The following PDE10A variants were observed in gnomAD, a reference collection of about 807,000 sequenced individuals.
PDE10A encodes cAMP and cAMP-inhibited cGMP 3',5'-cyclic phosphodiesterase 10A.
A neutral mutation model predicts 97.7 loss-of-function variants in PDE10A; 39 were observed. The ratio of observed to expected loss-of-function variants is 0.40; its 90% CI spans 0.31 to 0.52. PDE10A has a LOEUF of 0.52. Ranked by LOEUF, PDE10A falls within the 20% of genes least tolerant of loss-of-function variation. The pLI, the probability that PDE10A is intolerant of heterozygous loss-of-function variation, is 0.56. For synonymous variants in PDE10A, 371 were observed against 376.8 expected, an observed-to-expected ratio of 0.98 and a Z score of 0.18; for missense variants, 731 against 1,047.8, an observed-to-expected ratio of 0.70 and a Z score of 4.17.
At chr6:165,457,834 C>T (rs1778051547) in intron 3 of PDE10A, among the ~76,000 whole-genome samples, 1 of 152,158 alleles carries the variant, frequency 6.6e-6, no homozygotes, top group South Asian at 2.1e-4. Context: ...GACAAATGTT[C>T]CCATGACTGC....
intron 3 of PDE10A, among the ~76,000 whole-genome samples, chr6:165,467,580 T>G (rs1203565806): frequency 3.3e-5 from 5 of 152,258 alleles, no homozygotes; most frequent in Non-Finnish European, 7.3e-5. Flanking sequence ...CATCTGTTTT[T>G]GGCATAGTTT....
chr6:165,639,448 G>A (rs1308869582), intron 1 of PDE10A, among the ~76,000 whole-genome samples: 1 of 152,068 alleles, frequency 6.6e-6, no homozygotes, highest in Non-Finnish European at 1.5e-5. Context: ...GATAAAAAAT[G>A]AAGAGAGGGC....
intron 1 of PDE10A, among the ~76,000 whole-genome samples, chr6:165,862,586 T>A (rs1023290683): frequency 2.6e-5 from 4 of 151,544 alleles, no homozygotes; most frequent in African/African-American, 9.7e-5. Context: ...GTAAATAGAA[T>A]CCTGATGAAT....
intron 17 of PDE10A, among the ~76,000 whole-genome samples, chr6:165,381,567 C>T (rs1042008055): frequency 3.3e-5 from 5 of 151,828 alleles, no homozygotes; most frequent in South Asian, 2.1e-4. Flanking sequence ...TGGATTCAAG[C>T]GATTCTCCTG....
At chr6:165,579,186 G>A (rs1278299107) in intron 1 of PDE10A, among the ~76,000 whole-genome samples, 1 of 152,162 alleles carries the variant, frequency 6.6e-6, no homozygotes, top group Non-Finnish European at 1.5e-5. Context: ...CCATGCTAAG[G>A]ACTTCAGAAT....
At chr6:165,836,490 C>T (rs1437192898) in intron 1 of PDE10A, among the ~76,000 whole-genome samples, 1 of 152,214 alleles carries the variant, frequency 6.6e-6, no homozygotes, top group African/African-American at 2.4e-5. Context: ...TTCCAAACAA[C>T]ATGCTCTTTC....
intron 1 of PDE10A, among the ~76,000 whole-genome samples, chr6:165,874,430 CA>C (rs1310725936): frequency 6.6e-6 from 1 of 152,072 alleles, no homozygotes; most frequent in African/African-American, 2.4e-5. Flanking sequence ...ATCTAAGGTT[CA>C]GTTTGTGAGA....
At chr6:165,845,071 A>G (rs1422678501) in intron 1 of PDE10A, among the ~76,000 whole-genome samples, 1 of 152,240 alleles carries the variant, frequency 6.6e-6, no homozygotes, top group East Asian at 1.9e-4. Flanking sequence ...GAACATAAAA[A>G]CTTCTGCTGA....
At position 165,671,166 on chromosome 6, in the gene PDE10A, A is replaced by G. The variant is rs184347016; in HGVS notation, c.-614-127598T>C. Among the ~76,000 whole-genome samples, 7 of 152,128 alleles carry G rather than the reference A, an allele frequency of 4.6e-5. No individual in the cohort carries two copies. The highest frequency in any genetic ancestry group is 7.4e-5 in the Non-Finnish European group (5 of 67,998). On this transcript the variant is annotated intron_variant, in intron 1 of 19. Transcript: ENST00000366882. The surrounding 1 kb of genome is among the most constrained non-coding windows in gnomAD (Gnocchi z 4.6). ...TTTTTTTTTTAAGAATCAACAACAA[A>G]TGATGCTTGCTACAAATTCCCAAAG...
At position 165,603,957 on chromosome 6, in the gene PDE10A, A is replaced by C. The variant is rs77658203; in HGVS notation, c.865+57990T>G. Among the ~76,000 whole-genome samples the C allele has an allele frequency of 5.2e-3, 785 of 152,328 alleles. 9 individuals carry two copies. The highest frequency in any genetic ancestry group is 0.017 in the African/African-American group (705 of 41,572). ...AAACTGGAGCTATTTCCACTTGTTT[A>C]AGTCAATGCTTACAAACCATGCTCC... On this transcript the variant is annotated intron_variant, in intron 1 of 21. Transcript: ENST00000539869.
At chr6:165,700,261 A>G (rs1791535027) in intron 1 of PDE10A, among the ~76,000 whole-genome samples, 1 of 152,110 alleles carries the variant, frequency 6.6e-6, no homozygotes, top group African/African-American at 2.4e-5. Flanking sequence ...ATCTATAAAG[A>G]CAGAAGATGG....
At chr6:165,605,246 T>C (rs2128397909) in intron 1 of PDE10A, among the ~76,000 whole-genome samples, 1 of 152,136 alleles carries the variant, frequency 6.6e-6, no homozygotes, top group South Asian at 2.1e-4. Flanking sequence ...CCAGAACCCA[T>C]ATTAAAAAAC....
Position 165,661,969 on chromosome 6 carries a change from C to A in PDE10A, c.843G>T (p.Leu281=). The A allele has an allele frequency of 8.3e-7, 1 of 1,200,822 alleles. No individual in the cohort carries two copies. Among genetic ancestry groups the A allele is most frequent in the Non-Finnish European group, 1.2e-6 (1 of 832,902 alleles). 74.4% of individuals were successfully genotyped at this position (1,200,822 alleles called of 1,614,324 possible). A position where few individuals can be genotyped will look rare whatever the true frequency, so the allele number is the denominator to read the frequency against. ...TACTGGGGCTCAGGAAGCACTCGGT[C>A]AGCCTTCGGAAGCAGCTCGCATTAT... ...PSNNASCFRR[L]TECFLSPSLT... The change falls in exon 1 of 22, where the codon CTG becomes CTT. Residue 281 remains leucine, a synonymous_variant. Transcript: ENST00000539869. The surrounding 1 kb of genome is among the most constrained non-coding windows in gnomAD (Gnocchi z 4.8).
chr6:165,710,780 G>T (rs1281593258), intron 1 of PDE10A, among the ~76,000 whole-genome samples: 4 of 152,190 alleles, frequency 2.6e-5, no homozygotes, highest in Non-Finnish European at 4.4e-5. Context: ...AATCAAGAAA[G>T]TACCCAACTT....
intron 1 of PDE10A, among the ~76,000 whole-genome samples, chr6:165,899,416 A>G (rs7381413): frequency 0.46 from 70,263 of 152,088 alleles, 16,497 homozygotes; most frequent in East Asian, 0.66. Flanking sequence ...TATTCCATGA[A>G]TATTGACTGA....
intron 1 of PDE10A, among the ~76,000 whole-genome samples, chr6:165,619,509 G>C (rs62647939): frequency 1.7e-5 from 2 of 120,032 alleles, no homozygotes; most frequent in South Asian, 2.5e-4. Context: ...CTAGTGTAGT[G>C]TAGTCTAGTG....
rs144602225 is a variant in PDE10A at position 165,907,995 on chromosome 6, G to A, written c.-615+79534C>T. Among the ~76,000 whole-genome samples the A allele has an allele frequency of 2.1e-4, 32 of 152,356 alleles. No individual in the cohort carries two copies. The East Asian group carries it at 4.8e-3, about 23-fold the overall frequency. On this transcript the variant is annotated intron_variant, in intron 1 of 19. Transcript: ENST00000366882. ...TTGGAAACCCAGAGAAGAAGAGGGT[G>A]AACTTTAAACAAGTGTCGTTCTGGA...
chr6:165,339,085 C>T (rs1408768148), intron 20 of PDE10A, among the ~76,000 whole-genome samples, 193 bp downstream of exon 20: 3 of 152,174 alleles, frequency 2.0e-5, no homozygotes, highest in Non-Finnish European at 4.4e-5. Context: ...TCAGGGTAAA[C>T]AGTTTTTCTT....
At chr6:165,516,287 A>T (rs1781802708) in intron 2 of PDE10A, among the ~76,000 whole-genome samples, 1 of 152,152 alleles carries the variant, frequency 6.6e-6, no homozygotes, top group South Asian at 2.1e-4. Context: ...AAATAACAAA[A>T]ATGTCACCTT....
Sources: allele counts gnomAD v4.1 joint callset (sites outside exome capture counted in the v4.1 genomes callset), GRCh38; gene constraint gnomAD v4.1.1; non-coding constraint Gnocchi (gnomAD v3.1); transcripts MANE v1.5; gene names NCBI Gene and HGNC (gene_info 2026-07-23, HGNC 2026-07-21).